The following MYO16 variants were observed in gnomAD, a reference collection of about 807,000 sequenced individuals.
MYO16 encodes the protein myosin XVI, also known as unconventional myosin-XVI.
Under a neutral mutation model 205.3 loss-of-function variants are expected in MYO16, and 94 were observed. The observed-to-expected ratio is 0.46, with a 90% CI of 0.39 to 0.54. The LOEUF is 0.54. Among genes scored for constraint, MYO16 ranks in the 20% least tolerant of loss-of-function variants. The probability of loss-of-function intolerance (pLI) is 0.00; values close to 1 mark genes in which losing one functional copy is unlikely to be tolerated. For missense variants in MYO16, 2,315 were observed against 2,387.5 expected, an observed-to-expected ratio of 0.97 and a Z score of 0.63; for synonymous variants, 988 against 954.0, an observed-to-expected ratio of 1.04 and a Z score of -0.66.
At chr13:108,895,228 A>G (rs1036335594) in intron 14 of MYO16, among the ~76,000 whole-genome samples, 1 of 152,116 alleles carries the variant, frequency 6.6e-6, no homozygotes, top group Non-Finnish European at 1.5e-5. Context: ...AGTCAATAAA[A>G]TTTGAATAAG....
chr13:109,177,011 C>G (rs1435662735), intron 33 of MYO16, among the ~76,000 whole-genome samples: 1 of 152,332 alleles, frequency 6.6e-6, no homozygotes, highest in Non-Finnish European at 1.5e-5. Context: ...TGCTACCTAT[C>G]GTCTCCAAAG....
intron 27 of MYO16, among the ~76,000 whole-genome samples, chr13:109,089,199 T>C (rs1362998680): frequency 1.3e-5 from 2 of 150,810 alleles, no homozygotes; most frequent in Non-Finnish European, 3.0e-5. Context: ...ATTATTATTA[T>C]TATTATTATT....
chr13:108,995,850 T>C (rs977514353), intron 21 of MYO16, among the ~76,000 whole-genome samples: 11 of 152,200 alleles, frequency 7.2e-5, no homozygotes, highest in African/African-American at 1.7e-4. Context: ...TGATGGACAT[T>C]TGGGTTTGTT....
intron 32 of MYO16, among the ~76,000 whole-genome samples, chr13:109,155,438 G>C (rs774334595): frequency 1.3e-5 from 2 of 152,168 alleles, no homozygotes; most frequent in African/African-American, 4.8e-5. Flanking sequence ...AGCCCAGCCC[G>C]AGACATTTAA....
the MYO16 span, among the ~76,000 whole-genome samples, chr13:108,542,578 C>A: frequency 6.6e-6 from 1 of 152,080 alleles, no homozygotes; most frequent in African/African-American, 2.4e-5. Flanking sequence ...GTTAAACATG[C>A]AAATTTATCC....
At chr13:108,665,234 C>A (rs12431313) in intron 1 of MYO16, among the ~76,000 whole-genome samples, 3 of 152,002 alleles carry the variant, frequency 2.0e-5, no homozygotes, top group Non-Finnish European at 4.4e-5. Flanking sequence ...TAGCCACATG[C>A]CACCATGCCT....
At chr13:109,136,633 CAT>C (rs1048183646) in intron 31 of MYO16, among the ~76,000 whole-genome samples, 2 of 152,190 alleles carry the variant, frequency 1.3e-5, no homozygotes, top group African/African-American at 4.8e-5. Context: ...CTATTTTCCA[CAT>C]GACTGTAGGT....
At chr13:108,647,947 A>G (rs150029830) in intron 1 of MYO16, among the ~76,000 whole-genome samples, 388 of 152,316 alleles carry the variant, frequency 2.5e-3, no homozygotes, top group Non-Finnish European at 4.7e-3. Flanking sequence ...TTCCTTTAAC[A>G]TGACAGGACC....
chr13:109,194,153 A>G (rs1292839544), intron 34 of MYO16, among the ~76,000 whole-genome samples: 2 of 152,142 alleles, frequency 1.3e-5, no homozygotes, highest in African/African-American at 4.8e-5. Flanking sequence ...TTGTTACCCA[A>G]TTTGAATGAA....
intron 33 of MYO16, among the ~76,000 whole-genome samples, chr13:109,171,434 C>T (rs1025574687): frequency 6.6e-5 from 10 of 152,116 alleles, no homozygotes; most frequent in African/African-American, 1.4e-4. Context: ...TTCTAGGAAA[C>T]ATTTCTCTTT....
chr13:108,600,528 C>T (rs1878725000), intron 1 of MYO16, among the ~76,000 whole-genome samples: 1 of 152,154 alleles, frequency 6.6e-6, no homozygotes, highest in Non-Finnish European at 1.5e-5. Flanking sequence ...CATCAATCAT[C>T]TTTAGAAATT....
At chr13:109,020,021 G>A in intron 23 of MYO16, 110 bp downstream of exon 23, 1 of 1,100,460 alleles carries the variant, frequency 9.1e-7, no homozygotes, top group Non-Finnish European at 1.3e-6. Flanking sequence ...ATAAATGGAA[G>A]CTGGATGAAC....
intron 27 of MYO16, among the ~76,000 whole-genome samples, chr13:109,083,203 C>T (rs1229507513): frequency 4.0e-5 from 6 of 151,378 alleles, no homozygotes; most frequent in Admixed American, 1.3e-4. Context: ...GCCAACATGG[C>T]GAAACCCTGT....
intron 22 of MYO16, among the ~76,000 whole-genome samples, chr13:109,010,957 T>TTATATATA (rs67321937): frequency 0.015 from 1,820 of 118,546 alleles, 152 homozygotes; most frequent in South Asian, 0.035. Context: ...ACATATAATA[T>TTATATATA]TATATATATA....
intron 34 of MYO16, among the ~76,000 whole-genome samples, chr13:109,195,864 T>C (rs1336812531): frequency 1.3e-5 from 2 of 152,192 alleles, no homozygotes; most frequent in Non-Finnish European, 2.9e-5. Flanking sequence ...GGAATGCATA[T>C]CCATAGAAAT....
At chr13:109,094,289 C>T (rs1376998565) in intron 27 of MYO16, among the ~76,000 whole-genome samples, 1 of 152,198 alleles carries the variant, frequency 6.6e-6, no homozygotes, top group Non-Finnish European at 1.5e-5. Flanking sequence ...TAGCTCACTG[C>T]AACCTCAACT....
the MYO16 span, among the ~76,000 whole-genome samples, chr13:108,506,914 A>G: frequency 1.3e-5 from 2 of 152,090 alleles, no homozygotes; most frequent in Non-Finnish European, 1.5e-5. Context: ...GAATTTTGCC[A>G]AATGCTTTTT....
intron 9 of MYO16, among the ~76,000 whole-genome samples, chr13:108,829,325 G>A (rs370463809): frequency 6.6e-6 from 1 of 152,144 alleles, no homozygotes; most frequent in South Asian, 2.1e-4. Flanking sequence ...CTTAAGAAAT[G>A]ACCAGAAAAA....
chr13:108,666,299 G>GA (rs200448057), intron 2 of MYO16, 150 bp downstream of exon 2: 28,333 of 888,998 alleles, frequency 0.032, 652 homozygotes, highest in Non-Finnish European at 0.038. Context: ...TATTATTCAA[G>GA]AAAAAAATGC....
Sources: gnomAD v4.1 joint callset for allele counts (sites outside exome capture counted in the v4.1 genomes callset) on GRCh38, gnomAD v4.1.1 for gene constraint, MANE v1.5 for transcripts, NCBI Gene and HGNC (gene_info 2026-07-23, HGNC 2026-07-21) for gene names.